Variants in ZC2HC1A observed in about 807,000 individuals in gnomAD.
The protein encoded by ZC2HC1A is zinc finger C2HC-type containing 1A, also known as zinc finger C2HC domain-containing protein 1A.
A neutral mutation model predicts 40.7 loss-of-function variants in ZC2HC1A; 28 were observed. The observed-to-expected ratio is 0.69, with a 90% CI of 0.51 to 0.94. ZC2HC1A has a LOEUF of 0.94. Ranked by LOEUF, ZC2HC1A falls within the 40% of genes least tolerant of loss-of-function variation. ZC2HC1A has a pLI of 0.00. For synonymous variants in ZC2HC1A, 129 were observed against 129.2 expected (o/e 1.00, Z 0.01); for missense variants, 389 against 386.3 (o/e 1.01, Z -0.06).
intron 7 of ZC2HC1A, among the ~76,000 whole-genome samples, chr8:78,714,446 C>T (rs1241397481): frequency 6.6e-6 from 1 of 152,072 alleles, no homozygotes; most frequent in Non-Finnish European, 1.5e-5. Flanking sequence ...ATGAATTGTA[C>T]TTTTTTTCTC....
At chr8:78,672,408 TGCGG>T (rs1003886466) in intron 1 of ZC2HC1A, among the ~76,000 whole-genome samples, 3 of 152,146 alleles carry the variant, frequency 2.0e-5, no homozygotes, top group Non-Finnish European at 2.9e-5. Context: ...AAATAATACA[TGCGG>T]TTTGCATAAC....
intron 1 of ZC2HC1A, among the ~76,000 whole-genome samples, chr8:78,670,010 C>T (rs1026233968): frequency 1.4e-5 from 2 of 147,756 alleles, no homozygotes; most frequent in Admixed American, 6.8e-5. Flanking sequence ...TTTTGTTGCC[C>T]AGGCTGGAGT....
intron 7 of ZC2HC1A, 83 bp from the exon 8 acceptor site, chr8:78,715,138 C>T: frequency 8.3e-7 from 1 of 1,201,826 alleles, no homozygotes; most frequent in Non-Finnish European, 1.2e-6. Flanking sequence ...TCTAAGTATT[C>T]TTTCTAGTCA....
At chr8:78,707,252 A>G (rs1436561255) in intron 7 of ZC2HC1A, among the ~76,000 whole-genome samples, 3 of 152,222 alleles carry the variant, frequency 2.0e-5, no homozygotes, top group Non-Finnish European at 4.4e-5. Flanking sequence ...CAGTATTTCT[A>G]TAGTACTGGC....
At position 78,666,172 on chromosome 8, in the gene ZC2HC1A, G is replaced by C; in HGVS notation, c.16+8G>C. Reference sequence around the variant, plus strand: ...CGATGGAGGGACTGGAAGGTGAGGCGATGAAGGGATGAGGGCAGGACGGCT... The same window carrying C: ...CGATGGAGGGACTGGAAGGTGAGGCCATGAAGGGATGAGGGCAGGACGGCT... On this transcript the variant is annotated splice_region_variant and intron_variant, in intron 1 of 8. Coordinates refer to ENST00000263849, the MANE Select transcript of ZC2HC1A (RefSeq NM_016010.3). 1 of 1,574,168 alleles carries C rather than the reference G, an allele frequency of 6.4e-7. No homozygotes were observed. Among genetic ancestry groups the C allele is most frequent in the Non-Finnish European group, 8.6e-7 (1 of 1,160,146 alleles).
chr8:78,667,297 A>C lies in ZC2HC1A; in HGVS notation c.16+1133A>C, dbSNP rs141803801. Among the ~76,000 whole-genome samples, 901 of 152,334 alleles carry C rather than the reference A, an allele frequency of 5.9e-3. 9 individuals carry two copies. The highest frequency in any genetic ancestry group is 0.02 in the African/African-American group (845 of 41,572). On this transcript the variant is annotated intron_variant, in intron 1 of 8. Coordinates refer to ENST00000263849, the MANE Select transcript of ZC2HC1A (RefSeq NM_016010.3). ...TAATTTTCCGTTTGTGGACAGCTGCAGTATGCTATGGCCTAATGAAGGTCT... is the reference window on the plus strand; with the variant it reads ...TAATTTTCCGTTTGTGGACAGCTGCCGTATGCTATGGCCTAATGAAGGTCT...
intron 5 of ZC2HC1A, among the ~76,000 whole-genome samples, chr8:78,690,435 C>G (rs1353290815): frequency 6.6e-6 from 1 of 151,992 alleles, no homozygotes. Context: ...TGGCGGGCGC[C>G]TGTAGTCCCA....
chr8:78,666,117 A>C lies in ZC2HC1A; in HGVS notation c.-32A>C. 1 of 1,562,054 alleles carries C rather than the reference A, an allele frequency of 6.4e-7. No individual in the cohort carries two copies. Among genetic ancestry groups the C allele is most frequent in the African/African-American group, 1.4e-5 (1 of 74,038 alleles). ...GCTGGGCGGTGGCGGGCGCTGCTGA[A>C]GGAGTCTCGCTGAGCTCGAGGAGGT... On this transcript the variant is annotated 5_prime_UTR_variant, in exon 1 of 9. Transcript: ENST00000263849.
chr8:78,676,501 T>C (rs1235202218), intron 2 of ZC2HC1A, among the ~76,000 whole-genome samples: 1 of 152,042 alleles, frequency 6.6e-6, no homozygotes, highest in East Asian at 1.9e-4. Context: ...ATTATGCCTA[T>C]GTACCTTACG....
chr8:78,702,785 A>AGG (rs1220106848), intron 7 of ZC2HC1A, among the ~76,000 whole-genome samples: 1 of 152,092 alleles, frequency 6.6e-6, no homozygotes, highest in Non-Finnish European at 1.5e-5. Context: ...TAATTTCTTA[A>AGG]TCTTGATTTC....
In ZC2HC1A at chr8:78,695,550, C is replaced by G. The variant is rs373397215; in HGVS notation, c.505-1857C>G. ...TTGTTTCCTAATCTGATTTTATTAACTCTGTTTTTATAGACATAACTCTCG... is the reference window on the plus strand; with the variant it reads ...TTGTTTCCTAATCTGATTTTATTAAGTCTGTTTTTATAGACATAACTCTCG... On this transcript the variant is annotated intron_variant, in intron 5 of 8. Transcript: ENST00000263849. Among the ~76,000 whole-genome samples the G allele has an allele frequency of 2.3e-4, 35 of 152,214 alleles. 1 individual carries two copies. The East Asian group carries it at 3.1e-3, about 13-fold the overall frequency.
At chr8:78,688,442 A>G (rs142465227) in intron 4 of ZC2HC1A, among the ~76,000 whole-genome samples, 86 of 152,270 alleles carry the variant, frequency 5.6e-4, no homozygotes, top group Non-Finnish European at 1.1e-3. Context: ...ATAAATTGAA[A>G]AGGGCAAACT....
chr8:78,708,119 G>A (rs7010897), intron 7 of ZC2HC1A, among the ~76,000 whole-genome samples: 104,266 of 152,072 alleles, frequency 0.69, 36,577 homozygotes, highest in East Asian at 0.91. Context: ...CTGTTATTTC[G>A]ATTTATACAG....
intron 3 of ZC2HC1A, among the ~76,000 whole-genome samples, chr8:78,679,961 A>G (rs545163192): frequency 1.7e-3 from 266 of 152,300 alleles, no homozygotes; most frequent in South Asian, 3.5e-3. Flanking sequence ...AATCTTTGGA[A>G]GCAGTGTAAT....
intron 1 of ZC2HC1A, among the ~76,000 whole-genome samples, chr8:78,673,163 G>T (rs780929950): frequency 1.3e-5 from 2 of 152,114 alleles, no homozygotes; most frequent in Non-Finnish European, 1.5e-5. Context: ...AGAACATGCG[G>T]TGTTTGATTT....
chr8:78,689,384 T>A lies in ZC2HC1A; in HGVS notation c.504+11T>A. On this transcript the variant is annotated intron_variant, in intron 5 of 8. Transcript: ENST00000263849. ...TCTCGGACACAGGTGGTAAGTTCAGTTTTAATAATTGCTATAAACGAGAAA... is the reference window on the plus strand; with the variant it reads ...TCTCGGACACAGGTGGTAAGTTCAGATTTAATAATTGCTATAAACGAGAAA... The A allele has an allele frequency of 6.4e-7, 1 of 1,552,852 alleles. No homozygotes were observed. Among genetic ancestry groups the A allele is most frequent in the Non-Finnish European group, 8.7e-7 (1 of 1,153,518 alleles).
intron 2 of ZC2HC1A, among the ~76,000 whole-genome samples, chr8:78,677,232 A>G (rs569020530): frequency 6.6e-6 from 1 of 152,252 alleles, no homozygotes; most frequent in South Asian, 2.1e-4. Context: ...ATCAATCATC[A>G]TGCTTAATAT....
intron 4 of ZC2HC1A, among the ~76,000 whole-genome samples, chr8:78,687,883 T>TTATATAAATA (rs1810070944): frequency 2.3e-5 from 3 of 127,996 alleles, no homozygotes; most frequent in East Asian, 2.2e-4. Context: ...AAATATATAT[T>TTATATAAATA]TATATAATAA....
At chr8:78,710,639 C>A (rs1307344481) in intron 7 of ZC2HC1A, among the ~76,000 whole-genome samples, 2 of 151,770 alleles carry the variant, frequency 1.3e-5, no homozygotes, top group East Asian at 3.9e-4. Context: ...TGTAAGATAA[C>A]CACTGTTTGG....
Sources: gnomAD v4.1 joint callset for allele counts (sites outside exome capture counted in the v4.1 genomes callset) on GRCh38, gnomAD v4.1.1 for gene constraint, MANE v1.5 for transcripts, NCBI Gene and HGNC (gene_info 2026-07-23, HGNC 2026-07-21) for gene names.